FAT3: variants seen among roughly 807,000 people sequenced by gnomAD.
The protein encoded by FAT3 is FAT atypical cadherin 3, also known as protocadherin Fat 3.
In FAT3, 95 loss-of-function variants were observed where a neutral mutation model predicts 310.2. The ratio of observed to expected loss-of-function variants is 0.31; its 90% CI spans 0.26 to 0.36. The LOEUF (loss-of-function observed/expected upper bound fraction) is 0.36. FAT3 is among the 10% of genes least tolerant of loss of function. The probability of loss-of-function intolerance (pLI) is 1.00; values close to 1 mark genes in which losing one functional copy is unlikely to be tolerated. For missense variants in FAT3, 5,408 were observed against 5,715.6 expected (o/e 0.95, Z 1.74); for synonymous variants, 2,314 against 2,192.9 (o/e 1.06, Z -1.54).
intron 3 of FAT3, among the ~76,000 whole-genome samples, chr11:92,556,172 A>G (rs1955010976): frequency 6.6e-6 from 1 of 152,230 alleles, no homozygotes; most frequent in African/African-American, 2.4e-5. Context: ...TGGAAACCAT[A>G]TCAAGTAAAG....
At chr11:92,267,694 A>G (rs1946008213) in intron 1 of FAT3, among the ~76,000 whole-genome samples, 1 of 152,184 alleles carries the variant, frequency 6.6e-6, no homozygotes, top group African/African-American at 2.4e-5. Flanking sequence ...TTTTACCTAG[A>G]AGAATATTAA....
At position 92,862,587 on chromosome 11, in the gene FAT3, A is replaced by T. The variant is rs116989402; in HGVS notation, c.11658+3265A>T. Among the ~76,000 whole-genome samples the T allele has an allele frequency of 2.9e-4, 44 of 152,330 alleles. No individual in the cohort carries two copies. In the East Asian group the frequency reaches 7.9e-3, roughly 27 times the overall value. On this transcript the variant is annotated intron_variant, in intron 21 of 27. Transcript: ENST00000525166. ...TTCAGACCCCTAAACTGAAAGGAGG[A>T]TAGGGAAAGCTCATTTGGTTTGTAA...
intron 3 of FAT3, among the ~76,000 whole-genome samples, chr11:92,637,867 G>T (rs1941823034): frequency 6.6e-6 from 1 of 152,142 alleles, no homozygotes; most frequent in South Asian, 2.1e-4. Flanking sequence ...CAAAATAAAT[G>T]AACCAGCCTG....
chr11:92,456,671 T>A (rs1028799961), intron 2 of FAT3, among the ~76,000 whole-genome samples: 1 of 152,322 alleles, frequency 6.6e-6, no homozygotes, highest in Admixed American at 6.5e-5. Context: ...TATATATTTT[T>A]AAAAAATAGA....
At chr11:92,659,929 G>GA (rs563838052) in intron 3 of FAT3, among the ~76,000 whole-genome samples, 106 of 152,160 alleles carry the variant, frequency 7.0e-4, no homozygotes, top group Admixed American at 3.4e-3. Context: ...AAGGTACTAG[G>GA]AAAAAATGGC....
intron 1 of FAT3, among the ~76,000 whole-genome samples, chr11:92,231,028 G>A (rs780014575): frequency 1.3e-5 from 2 of 152,182 alleles, no homozygotes; most frequent in Non-Finnish European, 2.9e-5. Flanking sequence ...GCCCAAATGG[G>A]CTGTCGGAAT....
At chr11:92,708,789 C>T (rs1404355645) in intron 4 of FAT3, among the ~76,000 whole-genome samples, 4 of 152,196 alleles carry the variant, frequency 2.6e-5, no homozygotes, top group African/African-American at 9.7e-5. Context: ...TTTTTTGGCC[C>T]TTTTCTGAAG....
chr11:92,506,634 TC>T (rs1292926383), intron 2 of FAT3, among the ~76,000 whole-genome samples: 1 of 152,166 alleles, frequency 6.6e-6, no homozygotes, highest in Non-Finnish European at 1.5e-5. Context: ...TTTTCCAAGT[TC>T]CTAATATAGT....
intron 1 of FAT3, among the ~76,000 whole-genome samples, chr11:92,256,264 C>A (rs942386702): frequency 6.6e-6 from 1 of 151,574 alleles, no homozygotes; most frequent in Non-Finnish European, 1.5e-5. Flanking sequence ...CAGAGAAGAT[C>A]GCCCTTAAAC....
intron 2 of FAT3, among the ~76,000 whole-genome samples, chr11:92,447,222 C>CGTGTGTGTGTGT (rs34833885): frequency 2.7e-4 from 39 of 146,298 alleles, no homozygotes; most frequent in African/African-American, 9.8e-4. Flanking sequence ...TATATGTGTG[C>CGTGTGTGTGTGT]GTGTGTGTGT....
chr11:92,697,777 AAAAAGAG>A (rs1943984386), intron 4 of FAT3, among the ~76,000 whole-genome samples: 1 of 152,172 alleles, frequency 6.6e-6, no homozygotes, highest in African/African-American at 2.4e-5. Context: ...CCACAGACGT[AAAAAGAG>A]AAAGAGCGTC....
rs1591870384 is a variant in FAT3, at chr11:92,893,650, T to C, written c.*2537T>C. ...TGTGCCCACCCTTTGCTGTGACCTA[T>C]ATAAAATATCTCTTTCTTTGGGATA... On this transcript the variant is annotated 3_prime_UTR_variant, in exon 28 of 28. Transcript: ENST00000525166. 2 of 152,206 alleles carry C rather than the reference T, an allele frequency of 1.3e-5. No homozygotes were observed. Among genetic ancestry groups the C allele is most frequent in the African/African-American group, 2.4e-5 (1 of 41,450 alleles). The allele number at this position is 152,206 out of a possible 1,614,324, so 9.4% of individuals were successfully genotyped here.
At chr11:92,705,644 T>TGGTGGTGGTGTGATGGTGGTGTTGG (rs145584143) in intron 4 of FAT3, among the ~76,000 whole-genome samples, 2 of 124 alleles carry the variant, frequency 0.016, 1 homozygote, top group African/African-American at 0.053. Context: ...GTGATGGTGG[T>TGGTGGTGGTGTGATGGTGGTGTTGG]TGGTGGTGTG....
At chr11:92,428,565 A>G (rs1012910561) in intron 2 of FAT3, among the ~76,000 whole-genome samples, 7 of 152,118 alleles carry the variant, frequency 4.6e-5, no homozygotes, top group African/African-American at 1.7e-4. Flanking sequence ...TGTGTCCCAG[A>G]GATTCTGGTA....
rs866866439 is a variant in FAT3, at chr11:92,315,477, G to A, written c.-17-36619G>A. On this transcript the variant is annotated intron_variant, in intron 1 of 27. Transcript: ENST00000525166. ...TATATGTGTGTGTGTGTGTGTGTGT[G>A]TGTATATATATATATATATATATAT... Among the ~76,000 whole-genome samples the A allele has an allele frequency of 8.5e-3, 687 of 81,222 alleles. 13 individuals carry two copies. The highest frequency in any genetic ancestry group is 0.036 in the East Asian group (84 of 2,338). 53.3% of individuals were successfully genotyped at this position (81,222 alleles called of 152,430 possible).
intron 2 of FAT3, among the ~76,000 whole-genome samples, chr11:92,486,432 A>G (rs1277443871): frequency 6.6e-6 from 1 of 151,896 alleles, no homozygotes; most frequent in Non-Finnish European, 1.5e-5. Context: ...TTTAGTAGTC[A>G]ACAATGAAAG....
At position 92,844,303 on chromosome 11, in the gene FAT3, C is replaced by A. The variant is rs555950318; in HGVS notation, c.10936C>A (p.Gln3646Lys). ...HVEQLVHEML[Q>K]NTVTIRFENV... ...GGAGCAGTTGGTGCATGAGATGCTG[C>A]AGAACACTGTCACCATCCGCTTTGA... The change falls in exon 19 of 28, where the codon CAG becomes AAG. Residue 3646 changes from glutamine (Q) to lysine (K), a missense_variant. Physicochemically the swap from Gln to Lys is moderately conservative, Grantham distance 53. Coordinates refer to ENST00000525166, the MANE Select transcript of FAT3 (RefSeq NM_001367949.2). 11 of 1,613,942 alleles carry A rather than the reference C, an allele frequency of 6.8e-6. No individual in the cohort carries two copies. The highest frequency in any genetic ancestry group is 8.5e-6 in the Non-Finnish European group (10 of 1,179,896).
intron 9 of FAT3, among the ~76,000 whole-genome samples, chr11:92,793,501 G>T (rs1263172416): frequency 6.6e-6 from 1 of 152,132 alleles, no homozygotes; most frequent in Non-Finnish European, 1.5e-5. Flanking sequence ...TGAACTGCTT[G>T]CTGAACCTGA....
intron 4 of FAT3, among the ~76,000 whole-genome samples, chr11:92,720,742 A>G (rs567291282): frequency 7.1e-4 from 108 of 152,272 alleles, no homozygotes; most frequent in African/African-American, 2.4e-3. Flanking sequence ...TCTAATAGCA[A>G]TTTGAAGTGT....
Sources: allele counts gnomAD v4.1 joint callset (sites outside exome capture counted in the v4.1 genomes callset), GRCh38; gene constraint gnomAD v4.1.1; transcripts MANE v1.5; gene names NCBI Gene and HGNC (gene_info 2026-07-23, HGNC 2026-07-21).